GMDS: variants seen among roughly 807,000 people sequenced by gnomAD.
The protein encoded by GMDS is GDP-mannose 4,6-dehydratase.
A neutral mutation model predicts 49.9 loss-of-function variants in GMDS; 20 were observed. The ratio of observed to expected loss-of-function variants is 0.40; its 90% CI spans 0.28 to 0.58. GMDS has a LOEUF of 0.58. Ranked by LOEUF, GMDS falls within the 20% of genes least tolerant of loss-of-function variation. GMDS has a pLI of 0.42. For missense variants in GMDS, 362 were observed against 481.4 expected, an observed-to-expected ratio of 0.75 and a Z score of 2.32; for synonymous variants, 177 against 178.6, an observed-to-expected ratio of 0.99 and a Z score of 0.07.
intron 1 of GMDS, among the ~76,000 whole-genome samples, chr6:2,203,159 G>A (rs370914241): frequency 5.9e-5 from 9 of 152,202 alleles, no homozygotes; most frequent in East Asian, 5.8e-4. Flanking sequence ...ATAAAAGGCC[G>A]ATGCTTATGT....
At chr6:2,204,169 G>C (rs985661202) in intron 1 of GMDS, among the ~76,000 whole-genome samples, 3 of 152,158 alleles carry the variant, frequency 2.0e-5, no homozygotes, top group African/African-American at 7.2e-5. Context: ...CACCACAGCT[G>C]TGGGCTGGTC....
At chr6:1,738,296 C>T (rs1767128383) in intron 8 of GMDS, among the ~76,000 whole-genome samples, 1 of 152,198 alleles carries the variant, frequency 6.6e-6, no homozygotes, top group South Asian at 2.1e-4. Flanking sequence ...AAAACGTTAC[C>T]TTACATTTTA....
intron 9 of GMDS, among the ~76,000 whole-genome samples, chr6:1,711,278 C>T (rs189007755): frequency 2.2e-3 from 330 of 152,332 alleles, no homozygotes; most frequent in African/African-American, 7.6e-3. Flanking sequence ...AGGATCCCTG[C>T]AGAGTCCTAC....
intron 7 of GMDS, among the ~76,000 whole-genome samples, chr6:1,791,822 T>C (rs1769554362): frequency 6.6e-6 from 1 of 152,186 alleles, no homozygotes; most frequent in African/African-American, 2.4e-5. Context: ...TTTTAATGAA[T>C]TTTTAATCTA....
At position 1,836,345 on chromosome 6, in the gene GMDS, T is replaced by A. The variant is rs149195420; in HGVS notation, c.771+93758A>T. ...AGAGGCCAAATGAAATGCTCACAGA[T>A]CGGCATATGTATGTTACCACGTCAC... is the stretch of plus-strand genomic sequence containing the variant. On this transcript the variant is annotated intron_variant, in intron 7 of 10. Transcript: ENST00000380815. This position sits in a 1 kb window ranked among gnomAD's most constrained non-coding sequence, Gnocchi z 4.2. Among the ~76,000 whole-genome samples, 6 of 152,302 alleles carry A rather than the reference T, an allele frequency of 3.9e-5. No homozygotes were observed. The East Asian group carries it at 1.2e-3, about 29-fold the overall frequency.
intron 9 of GMDS, among the ~76,000 whole-genome samples, chr6:1,705,996 T>C (rs1173082945): frequency 1.3e-5 from 2 of 152,152 alleles, no homozygotes; most frequent in African/African-American, 2.4e-5. Flanking sequence ...GTGAGTTGAA[T>C]TCGTCATTGT....
intron 4 of GMDS, among the ~76,000 whole-genome samples, chr6:2,064,736 G>A (rs1263454657): frequency 6.6e-6 from 1 of 152,166 alleles, no homozygotes; most frequent in African/African-American, 2.4e-5. Flanking sequence ...CTGGCATGGG[G>A]AGAAGAAAGG....
At chr6:1,633,956 C>T (rs1173550159) in intron 9 of GMDS, among the ~76,000 whole-genome samples, 1 of 152,230 alleles carries the variant, frequency 6.6e-6, no homozygotes, top group Non-Finnish European at 1.5e-5. Context: ...ATGGAGCTTA[C>T]AATTCTGACT....
intron 1 of GMDS, among the ~76,000 whole-genome samples, chr6:2,145,446 G>A (rs1776505628): frequency 6.6e-6 from 1 of 152,050 alleles, no homozygotes; most frequent in African/African-American, 2.4e-5. Context: ...GCTGAGGCAG[G>A]AGAATTGCTT....
chr6:2,074,721 C>G (rs1241067724), intron 4 of GMDS, among the ~76,000 whole-genome samples: 1 of 152,100 alleles, frequency 6.6e-6, no homozygotes, highest in Non-Finnish European at 1.5e-5. Flanking sequence ...CAAGGTGGGT[C>G]TTGAACTCCT....
At chr6:1,680,863 CTAAAAGGCAGCTTTTCATGACAGGT>C (rs1561723473) in intron 9 of GMDS, among the ~76,000 whole-genome samples, 3 of 152,128 alleles carry the variant, frequency 2.0e-5, no homozygotes, top group African/African-American at 7.2e-5. Context: ...CATAAGTGAC[CTAAAAGGCAGCTTTTCATGACAGGT>C]TACCCTGGAT....
intron 4 of GMDS, among the ~76,000 whole-genome samples, chr6:2,005,229 C>T (rs566132717): frequency 1.3e-5 from 2 of 152,096 alleles, no homozygotes; most frequent in South Asian, 2.1e-4. Flanking sequence ...GGATTAATAA[C>T]GTTTTAAATT....
intron 7 of GMDS, among the ~76,000 whole-genome samples, chr6:1,835,907 C>T (rs988312596): frequency 5.3e-5 from 8 of 151,630 alleles, no homozygotes; most frequent in Middle Eastern, 3.4e-3. Context: ...TTTTTTGAGA[C>T]GGAGTCTCGC....
chr6:2,014,972 A>C (rs1446304537), intron 4 of GMDS, among the ~76,000 whole-genome samples: 2 of 152,208 alleles, frequency 1.3e-5, no homozygotes, highest in African/African-American at 4.8e-5. Flanking sequence ...TAAGGAAGAC[A>C]TTATGTAATG....
chr6:1,797,342 G>A (rs144083066), intron 7 of GMDS, among the ~76,000 whole-genome samples: 1 of 152,292 alleles, frequency 6.6e-6, no homozygotes, highest in Non-Finnish European at 1.5e-5. Context: ...GGTGTATCTG[G>A]TAAACTCCAC....
intron 10 of GMDS, 69 bp from the exon 11 acceptor site, chr6:1,624,300 T>C: frequency 6.8e-7 from 1 of 1,466,362 alleles, no homozygotes; most frequent in Non-Finnish European, 9.5e-7. Context: ...CCACCCCGGG[T>C]GTCGGCCCCA....
At chr6:2,052,390 T>G (rs1324207624) in intron 4 of GMDS, among the ~76,000 whole-genome samples, 1 of 152,204 alleles carries the variant, frequency 6.6e-6, no homozygotes, top group Non-Finnish European at 1.5e-5. Flanking sequence ...AGAAGTTATC[T>G]CTAAGCTGAA....
At chr6:2,038,055 G>A (rs986248397) in intron 4 of GMDS, among the ~76,000 whole-genome samples, 1 of 152,110 alleles carries the variant, frequency 6.6e-6, no homozygotes, top group Non-Finnish European at 1.5e-5. Flanking sequence ...AAATAAAGAG[G>A]GTTGGGGGGG....
chr6:1,725,551 A>C (rs1766552832), intron 9 of GMDS, among the ~76,000 whole-genome samples: 1 of 151,998 alleles, frequency 6.6e-6, no homozygotes, highest in East Asian at 1.9e-4. Context: ...CTCCTGCCTC[A>C]GCCTCCCGAG....
Sources: gnomAD v4.1 joint callset for allele counts (sites outside exome capture counted in the v4.1 genomes callset) on GRCh38, gnomAD v4.1.1 for gene constraint, Gnocchi (gnomAD v3.1) non-coding constraint, MANE v1.5 for transcripts, NCBI Gene and HGNC (gene_info 2026-07-23, HGNC 2026-07-21) for gene names.